GPC5: variants seen among roughly 807,000 people sequenced by gnomAD.
The protein encoded by GPC5 is glypican-5.
GPC5 carries 47 observed loss-of-function variants against 53.9 expected under a neutral mutation model. That is an observed-to-expected ratio of 0.87 (90% CI 0.69 to 1.11). The LOEUF is 1.11. Ranked by LOEUF, GPC5 falls within the 50% of genes most tolerant of loss-of-function variation. The pLI, the probability that GPC5 is intolerant of heterozygous loss-of-function variation, is 0.00. For synonymous variants in GPC5, 286 were observed against 263.3 expected, an observed-to-expected ratio of 1.09 and a Z score of -0.84; for missense variants, 748 against 713.1, an observed-to-expected ratio of 1.05 and a Z score of -0.56.
intron 2 of GPC5, among the ~76,000 whole-genome samples, chr13:91,527,501 T>C (rs1028963665): frequency 1.8e-4 from 28 of 152,210 alleles, no homozygotes; most frequent in African/African-American, 6.3e-4. Context: ...ACAGCTGCTT[T>C]CACAGCTGGC....
chr13:92,202,424 G>A (rs1024642790), intron 7 of GPC5, among the ~76,000 whole-genome samples: 2 of 152,224 alleles, frequency 1.3e-5, no homozygotes, highest in African/African-American at 4.8e-5. Context: ...AGCTAATCAA[G>A]TGAGTGAGAA....
intron 7 of GPC5, among the ~76,000 whole-genome samples, chr13:92,373,377 A>G (rs2043666853): frequency 6.6e-6 from 1 of 152,216 alleles, no homozygotes; most frequent in Non-Finnish European, 1.5e-5. Context: ...TCCATAAACT[A>G]TAGATTCATG....
intron 5 of GPC5, among the ~76,000 whole-genome samples, chr13:91,905,852 A>G (rs1487503631): frequency 1.3e-5 from 2 of 152,102 alleles, no homozygotes; most frequent in African/African-American, 4.8e-5. Context: ...TAAGCAAACA[A>G]ATTACTCAGA....
At position 92,866,390 on chromosome 13, in the gene GPC5, T is replaced by C. The variant is rs750526647; in HGVS notation, c.1670T>C (p.Met557Thr). The change falls in exon 8 of 8, where the codon ATG (methionine) becomes ACG (threonine). Residue 557 changes from methionine (M) to threonine (T), a missense_variant. Transcript: ENST00000377067. ...GGATGTGCAGTGGCGACTGAATCTA[T>C]GACATTCACTCTGATAAGTGTGGTG... Reference protein sequence around the residue: ...GAGCAVATESMTFTLISVVML... With the variant: ...GAGCAVATESTTFTLISVVML... The C allele has an allele frequency of 2.9e-5, 47 of 1,612,294 alleles. No homozygotes were observed. Among genetic ancestry groups the C allele is most frequent in the Non-Finnish European group, 2.3e-5 (27 of 1,178,906 alleles).
intron 7 of GPC5, among the ~76,000 whole-genome samples, chr13:92,219,535 C>G (rs949572318): frequency 6.6e-6 from 1 of 152,134 alleles, no homozygotes; most frequent in East Asian, 1.9e-4. Flanking sequence ...GGATCAGAAG[C>G]TACTCCCTTT....
At position 91,399,190 on chromosome 13, in the gene GPC5, G is replaced by C. The variant is rs749635689; in HGVS notation, c.144G>C (p.Leu48=). ...GGCTGCTGGGAGCTGTCAGGGGGCT[G>C]CCGGATTCGCCGCGGGCAGGTAAGG... ...QWRLLGAVRG[L]PDSPRAGPDL... is the part of the protein sequence containing the mutation. Residue 48 remains leucine (L), a synonymous_variant, in exon 1 of 8, where the codon CTG becomes CTC. Transcript: ENST00000377067. The C allele has an allele frequency of 4.2e-5, 67 of 1,612,278 alleles. No homozygotes were observed. In the Middle Eastern group the frequency reaches 9.9e-4, roughly 24 times the overall value.
intron 7 of GPC5, among the ~76,000 whole-genome samples, chr13:92,336,800 G>A (rs558161036): frequency 1.6e-4 from 25 of 152,212 alleles, no homozygotes; most frequent in African/African-American, 6.0e-4. Flanking sequence ...AAAACCTAGA[G>A]TATCTATTCC....
intron 7 of GPC5, among the ~76,000 whole-genome samples, chr13:92,188,015 T>C (rs749454907): frequency 1.3e-5 from 2 of 152,190 alleles, no homozygotes; most frequent in Non-Finnish European, 2.9e-5. Flanking sequence ...CTGAAACCCA[T>C]TTATTTATGT....
At chr13:92,487,855 A>AAAAAAG (rs1879614613) in intron 7 of GPC5, among the ~76,000 whole-genome samples, 3 of 146,096 alleles carry the variant, frequency 2.1e-5, no homozygotes, top group Admixed American at 6.8e-5. Context: ...AAAAAAAAAA[A>AAAAAAG]AAAAAGAAAG....
At chr13:91,997,644 G>T (rs528016577) in intron 6 of GPC5, among the ~76,000 whole-genome samples, 1 of 152,092 alleles carries the variant, frequency 6.6e-6, no homozygotes, top group Non-Finnish European at 1.5e-5. Context: ...TCAGCCTCCC[G>T]AGTAGCTGGA....
intron 7 of GPC5, among the ~76,000 whole-genome samples, chr13:92,652,488 C>T (rs1885989863): frequency 6.6e-6 from 1 of 152,074 alleles, no homozygotes; most frequent in South Asian, 2.1e-4. Flanking sequence ...TCTGCTGGTT[C>T]ACTGCAGGCT....
intron 7 of GPC5, among the ~76,000 whole-genome samples, chr13:92,459,894 C>T (rs1210021269): frequency 6.6e-6 from 1 of 152,008 alleles, no homozygotes; most frequent in African/African-American, 2.4e-5. Flanking sequence ...TAGAAATAGG[C>T]AGAAAATTTA....
At chr13:92,574,361 A>G (rs1883127738) in intron 7 of GPC5, among the ~76,000 whole-genome samples, 1 of 152,170 alleles carries the variant, frequency 6.6e-6, no homozygotes, top group Non-Finnish European at 1.5e-5. Context: ...AATTGAGGCA[A>G]TACCTTCTTC....
Position 92,442,052 on chromosome 13 carries a change from G to A in GPC5, c.1561+297063G>A, listed in dbSNP as rs570305180. 3.3e-5 allele frequency among the ~76,000 whole-genome samples: 5 copies of A among 152,244 alleles called. No homozygotes were observed. The South Asian group carries it at 6.2e-4, about 19-fold the overall frequency. On this transcript the variant is annotated intron_variant, in intron 7 of 7. Coordinates refer to ENST00000377067, the MANE Select transcript of GPC5 (RefSeq NM_004466.6). ...GTGTTTGACTCACAAAATAAACACA[G>A]CATTTGGCTGGTAGGAGTGTATAAA...
At chr13:92,794,791 C>A (rs1826400379) in intron 7 of GPC5, among the ~76,000 whole-genome samples, 1 of 151,984 alleles carries the variant, frequency 6.6e-6, no homozygotes, top group Admixed American at 6.6e-5. Flanking sequence ...ACCATTGCTA[C>A]AAAGAGAATA....
At chr13:92,748,024 C>T (rs2139320620) in intron 7 of GPC5, among the ~76,000 whole-genome samples, 1 of 152,016 alleles carries the variant, frequency 6.6e-6, no homozygotes, top group South Asian at 2.1e-4. Context: ...CGATGATGGC[C>T]TGAGGTAGTC....
At chr13:91,532,949 T>G (rs1053304128) in intron 2 of GPC5, among the ~76,000 whole-genome samples, 2 of 152,140 alleles carry the variant, frequency 1.3e-5, no homozygotes, top group African/African-American at 4.8e-5. Context: ...CTTATGTATA[T>G]TTTCAGTTCT....
At chr13:91,771,256 C>A (rs2037619524) in intron 5 of GPC5, among the ~76,000 whole-genome samples, 1 of 152,046 alleles carries the variant, frequency 6.6e-6, no homozygotes, top group Non-Finnish European at 1.5e-5. Context: ...AAATACAAAT[C>A]AAATAACTAT....
At chr13:91,864,269 A>T (rs971445161) in intron 5 of GPC5, among the ~76,000 whole-genome samples, 12 of 152,344 alleles carry the variant, frequency 7.9e-5, no homozygotes, top group Admixed American at 2.0e-4. Context: ...GGAGAATTTC[A>T]TAATGACTTT....
Sources: allele counts gnomAD v4.1 joint callset (sites outside exome capture counted in the v4.1 genomes callset), GRCh38; gene constraint gnomAD v4.1.1; transcripts MANE v1.5; gene names NCBI Gene and HGNC (gene_info 2026-07-23, HGNC 2026-07-21).